The following RBMS3 variants were observed in gnomAD, a reference collection of about 807,000 sequenced individuals.
RBMS3 encodes the protein RNA binding motif single stranded interacting protein 3.
In RBMS3, 27 loss-of-function variants were observed where a neutral mutation model predicts 66.8. The observed-to-expected ratio is 0.40, with a 90% CI of 0.30 to 0.56. RBMS3 has a LOEUF of 0.56. Among genes scored for constraint, RBMS3 ranks in the 20% least tolerant of loss-of-function variants. The pLI is 0.40. For synonymous variants in RBMS3, 188 were observed against 183.0 expected, an observed-to-expected ratio of 1.03 and a Z score of -0.22; for missense variants, 513 against 549.5, an observed-to-expected ratio of 0.93 and a Z score of 0.66.
At position 29,762,974 on chromosome 3, in the gene RBMS3, C is replaced by G. The variant is rs1238828634; in HGVS notation, c.622C>G (p.Pro208Ala). Residue 208 changes from proline to alanine, a missense_variant, in exon 6 of 15, where the codon CCA becomes GCA. By Grantham distance (27) the Pro-to-Ala change is conservative. Transcript: ENST00000383767. ...QHFNGKYLKT[P>A]PGIPAPSEPL... The stretch of plus-strand genomic sequence containing the variant: ...TTTTAATGGAAAATATCTGAAAACA[C>G]CACCAGGCATCCCAGGTAAGAAATT... 3 of 1,605,292 alleles carry G rather than the reference C, an allele frequency of 1.9e-6. No homozygotes were observed. Among genetic ancestry groups the G allele is most frequent in the Non-Finnish European group, 2.6e-6 (3 of 1,174,112 alleles).
chr3:29,295,980 C>T (rs1431043428), intron 1 of RBMS3, among the ~76,000 whole-genome samples: 1 of 151,756 alleles, frequency 6.6e-6, no homozygotes, highest in Non-Finnish European at 1.5e-5. Flanking sequence ...TGTCCTGCCC[C>T]TCTGTGTTTT....
chr3:29,841,418 A>G (rs1056995133), intron 6 of RBMS3, among the ~76,000 whole-genome samples: 1 of 152,020 alleles, frequency 6.6e-6, no homozygotes, highest in Non-Finnish European at 1.5e-5. Flanking sequence ...TTGAATAAAC[A>G]AAACTATTTT....
At chr3:29,513,465 G>A (rs2044496382) in intron 3 of RBMS3, among the ~76,000 whole-genome samples, 1 of 151,978 alleles carries the variant, frequency 6.6e-6, no homozygotes, top group African/African-American at 2.4e-5. Context: ...GACTTTATGG[G>A]AACTGAGATT....
intron 1 of RBMS3, among the ~76,000 whole-genome samples, chr3:29,325,573 T>C (rs1559489344): frequency 6.6e-6 from 1 of 151,408 alleles, no homozygotes; most frequent in Non-Finnish European, 1.5e-5. Flanking sequence ...TGTATATATA[T>C]ACATGTGTGT....
intron 1 of RBMS3, among the ~76,000 whole-genome samples, chr3:29,341,945 G>A (rs1409010202): frequency 6.6e-6 from 1 of 151,912 alleles, no homozygotes; most frequent in South Asian, 2.1e-4. Context: ...TAAAACTGAC[G>A]GGACACATAT....
At chr3:29,981,244 G>T (rs910462850) in intron 12 of RBMS3, among the ~76,000 whole-genome samples, 1 of 152,112 alleles carries the variant, frequency 6.6e-6, no homozygotes, top group South Asian at 2.1e-4. Flanking sequence ...TATTATTGGT[G>T]TATAGAAATG....
chr3:29,881,862 A>G (rs2059744834), intron 7 of RBMS3, among the ~76,000 whole-genome samples: 1 of 152,130 alleles, frequency 6.6e-6, no homozygotes, highest in South Asian at 2.1e-4. Flanking sequence ...GGTCTCTTTG[A>G]GCACCGTAGG....
chr3:29,448,198 T>C (rs2041899472), intron 2 of RBMS3, among the ~76,000 whole-genome samples: 2 of 152,196 alleles, frequency 1.3e-5, no homozygotes, highest in South Asian at 2.1e-4. Context: ...AAGGACACTT[T>C]CATGACAACA....
At chr3:29,422,643 TTTTATCATGAGGTA>T (rs1490790360) in intron 1 of RBMS3, among the ~76,000 whole-genome samples, 2 of 152,112 alleles carry the variant, frequency 1.3e-5, no homozygotes, top group Non-Finnish European at 2.9e-5. Context: ...CTAATATTCA[TTTTATCATGAGGTA>T]TTTTTTTCTT....
intron 4 of RBMS3, among the ~76,000 whole-genome samples, chr3:29,710,899 C>A (rs1165491161): frequency 6.6e-6 from 1 of 152,088 alleles, no homozygotes; most frequent in South Asian, 2.1e-4. Flanking sequence ...GCTTATACAG[C>A]CATTACTATA....
chr3:29,875,813 A>G (rs1284326421), intron 7 of RBMS3, among the ~76,000 whole-genome samples: 1 of 152,120 alleles, frequency 6.6e-6, no homozygotes, highest in Non-Finnish European at 1.5e-5. Flanking sequence ...TCTGTGCCAT[A>G]GTCTTTCTCA....
chr3:29,345,873 C>T (rs897494522), intron 1 of RBMS3, among the ~76,000 whole-genome samples: 1 of 151,936 alleles, frequency 6.6e-6, no homozygotes, highest in Non-Finnish European at 1.5e-5. Context: ...TTGGTTATAC[C>T]CCCAGACTGT....
At chr3:29,455,582 T>A (rs1037004392) in intron 2 of RBMS3, among the ~76,000 whole-genome samples, 3 of 152,222 alleles carry the variant, frequency 2.0e-5, no homozygotes, top group Admixed American at 1.3e-4. Context: ...ACTTAATAGA[T>A]ATTGTTAATT....
chr3:29,906,091 A>G (rs2149620889), intron 10 of RBMS3, among the ~76,000 whole-genome samples: 1 of 152,256 alleles, frequency 6.6e-6, no homozygotes, highest in African/African-American at 2.4e-5. Context: ...CGTCTACCCA[A>G]GAATTCTTTT....
intron 6 of RBMS3, among the ~76,000 whole-genome samples, chr3:29,816,484 T>C (rs918279539): frequency 1.3e-5 from 2 of 152,170 alleles, no homozygotes; most frequent in Non-Finnish European, 2.9e-5. Flanking sequence ...TCTGCTGTTA[T>C]TATCATTTGG....
intron 2 of RBMS3, among the ~76,000 whole-genome samples, chr3:29,468,857 G>A (rs1319180158): frequency 6.6e-6 from 1 of 152,008 alleles, no homozygotes; most frequent in East Asian, 1.9e-4. Context: ...ACCATCTAAA[G>A]AAAAAGTGTT....
chr3:29,374,865 T>C (rs2038386280), intron 1 of RBMS3, among the ~76,000 whole-genome samples: 2 of 152,244 alleles, frequency 1.3e-5, no homozygotes. Flanking sequence ...TATTTACATG[T>C]ATTGTGTCTG....
rs1249221352 is a variant in RBMS3, at chr3:29,864,163, CA to C, written c.638-4693del. Among the ~76,000 whole-genome samples the C allele has an allele frequency of 1.2e-4, 18 of 152,164 alleles. No individual in the cohort carries two copies. The South Asian group carries it at 3.1e-3, about 26-fold the overall frequency. ...GAAATCTATTACTATGTAGATGGCT[CA>C]ATAGTTTTTCTAGTAGTAAAATACA... On this transcript the variant is annotated intron_variant, in intron 6 of 14. Coordinates refer to ENST00000383767, the MANE Select transcript of RBMS3 (RefSeq NM_001003793.3).
rs1056933562 is a variant in RBMS3 at position 29,284,814 on chromosome 3, C to T, written c.75+3058C>T. Reference sequence around the variant, plus strand: ...CCTGTGCTCCCTCTTTCACACCTCACGTCTTTAAAAAGTTGTCATTTGTCA... The same window carrying T: ...CCTGTGCTCCCTCTTTCACACCTCATGTCTTTAAAAAGTTGTCATTTGTCA... On this transcript the variant is annotated intron_variant, in intron 1 of 14. Coordinates refer to ENST00000383767, the MANE Select transcript of RBMS3 (RefSeq NM_001003793.3). Among the ~76,000 whole-genome samples, 7 of 149,022 alleles carry T rather than the reference C, an allele frequency of 4.7e-5. 1 individual carries two copies. Among genetic ancestry groups the T allele is most frequent in the East Asian group, 2.0e-4 (1 of 5,112 alleles).
Sources: gnomAD v4.1 joint callset for allele counts (sites outside exome capture counted in the v4.1 genomes callset) on GRCh38, gnomAD v4.1.1 for gene constraint, MANE v1.5 for transcripts, NCBI Gene and HGNC (gene_info 2026-07-23, HGNC 2026-07-21) for gene names.